The following UBASH3B variants were observed in gnomAD, a reference collection of about 807,000 sequenced individuals.
UBASH3B encodes ubiquitin-associated and SH3 domain-containing protein B.
In UBASH3B, 37 loss-of-function variants were observed where a neutral mutation model predicts 83.4. The observed-to-expected ratio is 0.44, with a 90% CI of 0.34 to 0.58. The LOEUF (loss-of-function observed/expected upper bound fraction) is 0.58, where lower values mean the gene tolerates loss of function less well. UBASH3B is among the 20% of genes least tolerant of loss of function. The probability of loss-of-function intolerance (pLI) is 0.01; values close to 1 mark genes in which losing one functional copy is unlikely to be tolerated. For synonymous variants in UBASH3B, 304 were observed against 318.3 expected (o/e 0.96, Z 0.48); for missense variants, 657 against 827.2 (o/e 0.79, Z 2.52).
At chr11:122,708,865 T>G (rs1221226450) in intron 1 of UBASH3B, among the ~76,000 whole-genome samples, 1 of 152,180 alleles carries the variant, frequency 6.6e-6, no homozygotes, top group Non-Finnish European at 1.5e-5. Flanking sequence ...AATGAGAACA[T>G]GTATATAATG....
At chr11:122,697,581 G>A (rs1390376184) in intron 1 of UBASH3B, among the ~76,000 whole-genome samples, 4 of 152,136 alleles carry the variant, frequency 2.6e-5, no homozygotes, top group Non-Finnish European at 5.9e-5. Context: ...GCTAGAATTC[G>A]AACCCAGATC....
intron 1 of UBASH3B, among the ~76,000 whole-genome samples, chr11:122,745,159 CT>C (rs1365737526): frequency 7.2e-5 from 11 of 152,224 alleles, no homozygotes; most frequent in East Asian, 3.9e-4. Context: ...CAGCTTGTAT[CT>C]TTTTTTTCTC....
At chr11:122,770,531 G>T (rs1272153398) in intron 1 of UBASH3B, among the ~76,000 whole-genome samples, 1 of 151,672 alleles carries the variant, frequency 6.6e-6, no homozygotes, top group Non-Finnish European at 1.5e-5. Flanking sequence ...GGAAATAGGA[G>T]CTCAATAGAT....
chr11:122,751,762 A>G (rs1861202660), intron 1 of UBASH3B, among the ~76,000 whole-genome samples: 3 of 152,176 alleles, frequency 2.0e-5, no homozygotes. Flanking sequence ...GTGCTCCACT[A>G]TTCATTAGAA....
In UBASH3B at chr11:122,777,141, G is replaced by A. The variant is rs544133374; in HGVS notation, c.333G>A (p.Ser111=). Residue 111 remains serine, a synonymous_variant, in exon 3 of 14, where the codon TCG becomes TCA. Transcript: ENST00000284273. ...AGCTTTCCGACTTTTGGCAGCAGTCGAAGCAGATCTGCGGGAAGAACAAGG... is the reference window on the plus strand; with the variant it reads ...AGCTTTCCGACTTTTGGCAGCAGTCAAAGCAGATCTGCGGGAAGAACAAGG... The part of the protein sequence containing the change: ...AQKLSDFWQQ[S]KQICGKNKAH... 8.1e-6 allele frequency: 13 copies of A among 1,614,050 alleles called. No individual in the cohort carries two copies. The highest frequency in any genetic ancestry group is 4.0e-5 in the African/African-American group (3 of 75,002).
intron 1 of UBASH3B, among the ~76,000 whole-genome samples, chr11:122,754,942 C>T (rs1451312880): frequency 4.6e-5 from 7 of 152,036 alleles, no homozygotes; most frequent in African/African-American, 1.7e-4. Context: ...TAGAGCTGCA[C>T]GATAGTCAAA....
rs567117514 is a variant in UBASH3B, at chr11:122,689,874, T to C, written c.161+33664T>C. ...ATAAAGGATATTGCAAAGGATATAGTTGAGGAGATGTGTAAGGTGAGGTAT... is the reference window on the plus strand; with the variant it reads ...ATAAAGGATATTGCAAAGGATATAGCTGAGGAGATGTGTAAGGTGAGGTAT... On this transcript the variant is annotated intron_variant, in intron 1 of 13. Transcript: ENST00000284273. Among the ~76,000 whole-genome samples, 117 of 152,140 alleles carry C rather than the reference T, an allele frequency of 7.7e-4. 1 individual carries two copies. Among genetic ancestry groups the C allele is most frequent in the African/African-American group, 2.3e-3 (95 of 41,518 alleles).
chr11:122,687,384 T>C (rs1019086892), intron 1 of UBASH3B, among the ~76,000 whole-genome samples: 5 of 152,186 alleles, frequency 3.3e-5, no homozygotes, highest in African/African-American at 1.2e-4. Context: ...ATGAAATGAC[T>C]TGCCCTTTGA....
chr11:122,806,715 A>G lies in UBASH3B; in HGVS notation c.1702+199A>G, dbSNP rs971827222. On this transcript the variant is annotated intron_variant, in intron 12 of 13. Transcript: ENST00000284273. The surrounding 1 kb of genome is among the most constrained non-coding windows in gnomAD (Gnocchi z 4.0). ...GGTAGATATTCCAGGGGTTTATACCAGACTTAGTTACTATTCTTAATAACT... is the reference window on the plus strand; with the variant it reads ...GGTAGATATTCCAGGGGTTTATACCGGACTTAGTTACTATTCTTAATAACT... Among the ~76,000 whole-genome samples the G allele has an allele frequency of 6.6e-6, 1 of 152,244 alleles. No homozygotes were observed. The highest frequency in any genetic ancestry group is 2.4e-5 in the African/African-American group (1 of 41,468).
chr11:122,719,460 G>T (rs1424427013), intron 1 of UBASH3B, among the ~76,000 whole-genome samples: 1 of 152,010 alleles, frequency 6.6e-6, no homozygotes, highest in South Asian at 2.1e-4. Flanking sequence ...CTCTCTCCTT[G>T]TCTTTTCCCC....
intron 1 of UBASH3B, among the ~76,000 whole-genome samples, chr11:122,677,793 G>A (rs1863687408): frequency 6.6e-6 from 1 of 152,046 alleles, no homozygotes; most frequent in Admixed American, 6.6e-5. Flanking sequence ...TGCTTTTGAG[G>A]CAGAGTCTTA....
chr11:122,660,278 G>T (rs144369299), intron 1 of UBASH3B, among the ~76,000 whole-genome samples: 134 of 152,274 alleles, frequency 8.8e-4, no homozygotes, highest in African/African-American at 3.0e-3. Flanking sequence ...GTGTGTGTGT[G>T]CGTGTGCGCT....
intron 1 of UBASH3B, among the ~76,000 whole-genome samples, chr11:122,756,945 T>C (rs1861291643): frequency 6.6e-6 from 1 of 152,188 alleles, no homozygotes; most frequent in Non-Finnish European, 1.5e-5. Context: ...ATCAAATCAC[T>C]TGCCTCCGCG....
chr11:122,787,006 C>T (rs1860967984), intron 5 of UBASH3B, among the ~76,000 whole-genome samples: 2 of 152,012 alleles, frequency 1.3e-5, no homozygotes. Context: ...CCCCACCGCC[C>T]CACATGATAG....
At chr11:122,799,271 A>C (rs1332849872) in intron 10 of UBASH3B, among the ~76,000 whole-genome samples, 2 of 152,148 alleles carry the variant, frequency 1.3e-5, no homozygotes, top group African/African-American at 4.8e-5. Context: ...CAGGCAGATC[A>C]CCTGAGGTCA....
intron 1 of UBASH3B, among the ~76,000 whole-genome samples, chr11:122,752,362 C>A (rs536139152): frequency 4.9e-4 from 74 of 152,246 alleles, no homozygotes; most frequent in African/African-American, 1.8e-3. Flanking sequence ...TGTGCGAGGC[C>A]AGGTGGGCAT....
chr11:122,746,116 T>A (rs1425685524), intron 1 of UBASH3B, among the ~76,000 whole-genome samples: 7 of 152,142 alleles, frequency 4.6e-5, no homozygotes, highest in Admixed American at 4.6e-4. Flanking sequence ...CCTTGTGTCA[T>A]GAAAGATATA....
At chr11:122,772,420 A>G (rs190345081) in intron 1 of UBASH3B, among the ~76,000 whole-genome samples, 1 of 152,178 alleles carries the variant, frequency 6.6e-6, no homozygotes, top group East Asian at 1.9e-4. Context: ...AGCGTTCCTT[A>G]GGAGAAGAAG....
chr11:122,779,914 C>A (rs958732355), intron 4 of UBASH3B, among the ~76,000 whole-genome samples: 2 of 152,134 alleles, frequency 1.3e-5, no homozygotes. Flanking sequence ...CTGGAGAGAC[C>A]GTCTAAGGCT....
Sources: allele counts gnomAD v4.1 joint callset (sites outside exome capture counted in the v4.1 genomes callset), GRCh38; gene constraint gnomAD v4.1.1; non-coding constraint Gnocchi (gnomAD v3.1); transcripts MANE v1.5; gene names NCBI Gene and HGNC (gene_info 2026-07-23, HGNC 2026-07-21).